IL11: variants seen among roughly 807,000 people sequenced by gnomAD.
IL11 encodes the protein interleukin 11, also known as interleukin-11.
A neutral mutation model predicts 18.1 loss-of-function variants in IL11; 17 were observed. The observed-to-expected ratio is 0.94, with a 90% CI of 0.64 to 1.41. The LOEUF (loss-of-function observed/expected upper bound fraction) is 1.41. IL11 is among the 40% of genes most tolerant of loss of function. The pLI, the probability that IL11 is intolerant of heterozygous loss-of-function variation, is 0.00. For missense variants in IL11, 309 were observed against 262.8 expected (o/e 1.18, Z -1.22); for synonymous variants, 144 against 134.1 (o/e 1.07, Z -0.51).
In IL11 at chr19:55,368,960, A is replaced by T. The variant is rs1323520519; in HGVS notation, c.8-19T>A. The T allele has an allele frequency of 6.8e-7, 1 of 1,477,566 alleles. No homozygotes were observed. Among genetic ancestry groups the T allele is most frequent in the Non-Finnish European group, 9.0e-7 (1 of 1,108,900 alleles). The allele number at this position is 1,477,566 out of a possible 1,614,324, so 91.5% of individuals were successfully genotyped here. On this transcript the variant is annotated intron_variant, in intron 1 of 4. Coordinates refer to ENST00000264563, the MANE Select transcript of IL11 (RefSeq NM_000641.4). ...CAAACACCTGGGGGCAGGATAAGGC[A>T]GAGAGCTCAGGCTGGACTCCGGGTC...
rs1428020797 is a variant in IL11, at chr19:55,365,971, G to A, written c.*36C>T. On this transcript the variant is annotated 3_prime_UTR_variant, in exon 5 of 5. Coordinates refer to ENST00000264563, the MANE Select transcript of IL11 (RefSeq NM_000641.4). ...TGAAATAAATAAATAAATAAGATCTGGCTTTGGAAGGACGGTGGTGGCTTT... is the reference window on the plus strand; with the variant it reads ...TGAAATAAATAAATAAATAAGATCTAGCTTTGGAAGGACGGTGGTGGCTTT... The A allele has an allele frequency of 6.4e-7, 1 of 1,567,908 alleles. No homozygotes were observed. Among genetic ancestry groups the A allele is most frequent in the Non-Finnish European group, 8.6e-7 (1 of 1,157,530 alleles).
Position 55,368,517 on chromosome 19 carries a change from AG to A in IL11, c.232del (p.Leu78TrpfsTer3). On this transcript the variant is annotated frameshift_variant, in exon 3 of 5. Transcript: ENST00000264563. LOFTEE classifies it high-confidence loss of function. ...GDHNLDSLPTLAMSAGALGAL... is the reference protein window; with the variant it reads ...GDHNLDSLPTXAMSAGALGAL... ...TCCCAGTGCCCCCGCACTCATGGCC[AG>A]GGTGGGCAGGGAATCCAGGTTGTGG... The A allele has an allele frequency of 6.2e-7, 1 of 1,612,844 alleles. No individual in the cohort carries two copies. Among genetic ancestry groups the A allele is most frequent in the Non-Finnish European group, 8.5e-7 (1 of 1,179,638 alleles).
At chr19:55,370,267 T>A in intron 1 of IL11, 37 bp downstream of exon 1, 2 of 1,473,742 alleles carry the variant, frequency 1.4e-6, no homozygotes, top group South Asian at 2.5e-5. Context: ...CCTCCCTGCC[T>A]CCCTGTCCCC....
At chr19:55,370,214 C>T in intron 1 of IL11, 90 bp downstream of exon 1, 1 of 992,948 alleles carries the variant, frequency 1.0e-6, no homozygotes, top group Non-Finnish European at 1.6e-6. Flanking sequence ...CCTCTCTGTG[C>T]GACTCAGCGG....
At chr19:55,370,005 C>A (rs1278941247) in intron 1 of IL11, among the ~76,000 whole-genome samples, 1 of 152,058 alleles carries the variant, frequency 6.6e-6, no homozygotes, top group Non-Finnish European at 1.5e-5. Context: ...ACCTCCCTCC[C>A]GGCACCAGTC....
At position 55,366,224 on chromosome 19, in the gene IL11, G is replaced by T; in HGVS notation, c.430-47C>A. ...GAGTCACAGGTAGGGGGTGCAGCGG[G>T]GGTGCAGGGCAGGGGTGCTGTGGAG... On this transcript the variant is annotated intron_variant, in intron 4 of 4. Transcript: ENST00000264563. The surrounding 1 kb of genome is among the most constrained non-coding windows in gnomAD (Gnocchi z 4.6). 1.4e-6 allele frequency: 2 copies of T among 1,444,510 alleles called. No individual in the cohort carries two copies. The highest frequency in any genetic ancestry group is 1.8e-6 in the Non-Finnish European group (2 of 1,098,698). 89.5% of individuals were successfully genotyped at this position (1,444,510 alleles called of 1,614,324 possible). A position where few individuals can be genotyped will look rare whatever the true frequency, so the allele number is the denominator to read the frequency against.
At position 55,369,125 on chromosome 19, in the gene IL11, C is replaced by T. The variant is rs1188152948; in HGVS notation, c.8-184G>A. On this transcript the variant is annotated intron_variant, in intron 1 of 4. Transcript: ENST00000264563. This position sits in a 1 kb window ranked among gnomAD's most constrained non-coding sequence, Gnocchi z 6.1. ...GGGAGGAAGGCCTGGGGTCTGGACT[C>T]CTGGGTCTCGGGGAGGAGGGTCTGG... 4.0e-6 allele frequency: 2 copies of T among 496,476 alleles called. No individual in the cohort carries two copies. Among genetic ancestry groups the T allele is most frequent in the Non-Finnish European group, 7.0e-6 (2 of 285,582 alleles). 30.8% of individuals were successfully genotyped at this position (496,476 alleles called of 1,614,324 possible).
rs952325096 is a variant in IL11, at chr19:55,366,981, T to A, written c.430-804A>T. Reference sequence around the variant, plus strand: ...CAGAGCTGGGGTTTTACAGACAGTATCTGAGGTCTGTGGGCTCGAGTCTAG... The same window carrying A: ...CAGAGCTGGGGTTTTACAGACAGTAACTGAGGTCTGTGGGCTCGAGTCTAG... On this transcript the variant is annotated intron_variant, in intron 4 of 4. Coordinates refer to ENST00000264563, the MANE Select transcript of IL11 (RefSeq NM_000641.4). The surrounding 1 kb of genome is among the most constrained non-coding windows in gnomAD (Gnocchi z 4.6). Among the ~76,000 whole-genome samples the A allele has an allele frequency of 2.0e-5, 3 of 152,186 alleles. No individual in the cohort carries two copies. The highest frequency in any genetic ancestry group is 4.8e-5 in the African/African-American group (2 of 41,536).
chr19:55,369,656 G>A lies in IL11; in HGVS notation c.7+648C>T, dbSNP rs1343083362. Reference sequence around the variant, plus strand: ...GGGGCGCGGGGGGCGCGGGGGTCCGGAGCTCGCTCCCCGCAGCCCACCCCG... The same window carrying A: ...GGGGCGCGGGGGGCGCGGGGGTCCGAAGCTCGCTCCCCGCAGCCCACCCCG... On this transcript the variant is annotated intron_variant, in intron 1 of 4. Coordinates refer to ENST00000264563, the MANE Select transcript of IL11 (RefSeq NM_000641.4). The surrounding 1 kb of genome is among the most constrained non-coding windows in gnomAD (Gnocchi z 6.1). 2.8e-5 allele frequency among the ~76,000 whole-genome samples: 4 copies of A among 142,962 alleles called. No individual in the cohort carries two copies. Among genetic ancestry groups the A allele is most frequent in the Non-Finnish European group, 4.6e-5 (3 of 65,450 alleles). The allele number at this position is 142,962 out of a possible 152,430, so 93.8% of individuals were successfully genotyped here.
chr19:55,367,808 G>A (rs942985992), intron 4 of IL11, among the ~76,000 whole-genome samples: 5 of 152,040 alleles, frequency 3.3e-5, no homozygotes, highest in Non-Finnish European at 5.9e-5. Flanking sequence ...AAGTCTTGAG[G>A]TGAGGATTTG....
rs754499717 is a variant in IL11 at position 55,368,781 on chromosome 19, C to T, written c.168G>A (p.Leu56=). The T allele has an allele frequency of 4.4e-6, 7 of 1,584,490 alleles. No homozygotes were observed. In the South Asian group the frequency reaches 6.9e-5, roughly 16 times the overall value. Reference sequence around the variant, plus strand: ...CAGTCTCTCCTACCAGCTGTGCAGCCAGCTGCCGCGTGTCCGCCAGGAGAG... The same window carrying T: ...CAGTCTCTCCTACCAGCTGTGCAGCTAGCTGCCGCGTGTCCGCCAGGAGAG... ...TRSLLADTRQ[L]AAQLRDKFPA... Residue 56 remains leucine (L), a synonymous_variant, in exon 2 of 5, where the codon CTG becomes CTA. Coordinates refer to ENST00000264563, the MANE Select transcript of IL11 (RefSeq NM_000641.4).
chr19:55,370,162 T>C, intron 1 of IL11, 142 bp downstream of exon 1: 1 of 697,482 alleles, frequency 1.4e-6, no homozygotes, highest in Non-Finnish European at 2.6e-6. Flanking sequence ...CCGCCTCCTG[T>C]CTCCGAAGCT....
intron 4 of IL11, among the ~76,000 whole-genome samples, chr19:55,367,198 T>C (rs1032142954): frequency 6.6e-6 from 1 of 151,880 alleles, no homozygotes; most frequent in East Asian, 1.9e-4. Context: ...GCTTTGGAAG[T>C]GAGGGTCTTG....
In IL11 at chr19:55,365,185, C is replaced by A. The variant is rs2089777578; in HGVS notation, c.*822G>T. On this transcript the variant is annotated 3_prime_UTR_variant, in exon 5 of 5. Transcript: ENST00000264563. ...TGAAACCCTGTCTCTACTAAAAATA[C>A]AAAAGAAATAAATAATTAGCTGGGC... 2 of 152,100 alleles carry A rather than the reference C, an allele frequency of 1.3e-5. No homozygotes were observed. The highest frequency in any genetic ancestry group is 1.3e-4 in the Admixed American group (2 of 15,268). 9.4% of individuals were successfully genotyped at this position (152,100 alleles called of 1,614,324 possible).
chr19:55,365,891 C>G lies in IL11; in HGVS notation c.*116G>C. On this transcript the variant is annotated 3_prime_UTR_variant, in exon 5 of 5. Coordinates refer to ENST00000264563, the MANE Select transcript of IL11 (RefSeq NM_000641.4). The stretch of plus-strand genomic sequence containing the variant: ...CCCAGGCCTCACGGAAGGACTGTCT[C>G]TAACTAGGGGGAGATAATGGCGGGG... 1 of 1,494,812 alleles carries G rather than the reference C, an allele frequency of 6.7e-7. No individual in the cohort carries two copies. Among genetic ancestry groups the G allele is most frequent in the Non-Finnish European group, 9.1e-7 (1 of 1,104,236 alleles). 92.6% of individuals were successfully genotyped at this position (1,494,812 alleles called of 1,614,324 possible).
In IL11 at chr19:55,364,583, T is replaced by C. The variant is rs1470233037; in HGVS notation, c.*1424A>G. On this transcript the variant is annotated 3_prime_UTR_variant, in exon 5 of 5. Coordinates refer to ENST00000264563, the MANE Select transcript of IL11 (RefSeq NM_000641.4). ...TAGGATTTTTGTTTTAATCCATATATAGAAAGAAAAACACAAAATTGGGAT... is the reference window on the plus strand; with the variant it reads ...TAGGATTTTTGTTTTAATCCATATACAGAAAGAAAAACACAAAATTGGGAT... 6.6e-6 allele frequency: 1 copy of C among 152,192 alleles called. No individual in the cohort carries two copies. Among genetic ancestry groups the C allele is most frequent in the African/African-American group, 2.4e-5 (1 of 41,442 alleles). The allele number at this position is 152,192 out of a possible 1,614,324, so 9.4% of individuals were successfully genotyped here. A position where few individuals can be genotyped will look rare whatever the true frequency, so the allele number is the denominator to read the frequency against.
rs2089781986 is a variant in IL11, at chr19:55,365,889, C to G, written c.*118G>C. 1 of 1,487,228 alleles carries G rather than the reference C, an allele frequency of 6.7e-7. No individual in the cohort carries two copies. The allele number at this position is 1,487,228 out of a possible 1,614,324, so 92.1% of individuals were successfully genotyped here. On this transcript the variant is annotated 3_prime_UTR_variant, in exon 5 of 5. Transcript: ENST00000264563. ...CCCCCAGGCCTCACGGAAGGACTGT[C>G]TCTAACTAGGGGGAGATAATGGCGG...
At position 55,369,202 on chromosome 19, in the gene IL11, G is replaced by A. The variant is rs2089805958; in HGVS notation, c.8-261C>T. On this transcript the variant is annotated intron_variant, in intron 1 of 4. Coordinates refer to ENST00000264563, the MANE Select transcript of IL11 (RefSeq NM_000641.4). The surrounding 1 kb of genome is among the most constrained non-coding windows in gnomAD (Gnocchi z 6.1). ...ATGGAGCTGGAGGTCTTAAGTCCCA[G>A]GGTGGAACGCCCGCGGGCAGGTCGC... is the stretch of plus-strand genomic sequence containing the variant. 1 of 333,586 alleles carries A rather than the reference G, an allele frequency of 3.0e-6. No homozygotes were observed. Among genetic ancestry groups the A allele is most frequent in the Admixed American group, 4.5e-5 (1 of 22,060 alleles). 20.7% of individuals were successfully genotyped at this position (333,586 alleles called of 1,614,324 possible). A position where few individuals can be genotyped will look rare whatever the true frequency, so the allele number is the denominator to read the frequency against.
rs1446789822 is a variant in IL11 at position 55,368,932 on chromosome 19, C to T, written c.17G>A (p.Arg6His). The T allele has an allele frequency of 1.3e-6, 2 of 1,515,172 alleles. No homozygotes were observed. The highest frequency in any genetic ancestry group is 1.4e-5 in the African/African-American group (1 of 72,656). The allele number at this position is 1,515,172 out of a possible 1,614,324, so 93.9% of individuals were successfully genotyped here. MNCVC[R>H]LVLVVLSLWP... ...CAGGCTCAGCACGACCAGGACCAGG[C>T]GGCAAACACCTGGGGGCAGGATAAG... Residue 6 changes from arginine (R) to histidine (H), a missense_variant, in exon 2 of 5, where the codon CGC becomes CAC. Coordinates refer to ENST00000264563, the MANE Select transcript of IL11 (RefSeq NM_000641.4).
Sources: allele counts gnomAD v4.1 joint callset (sites outside exome capture counted in the v4.1 genomes callset), GRCh38; gene constraint gnomAD v4.1.1; non-coding constraint Gnocchi (gnomAD v3.1); transcripts MANE v1.5; gene names NCBI Gene and HGNC (gene_info 2026-07-23, HGNC 2026-07-21).